ACE: variants seen among roughly 807,000 people sequenced by gnomAD.
The protein encoded by ACE is angiotensin I converting enzyme, also known as angiotensin-converting enzyme.
In ACE, 122 loss-of-function variants were observed where a neutral mutation model predicts 162.3. That is an observed-to-expected ratio of 0.75 (90% CI 0.65 to 0.87). The LOEUF is 0.87. Ranked by LOEUF, ACE falls within the 40% of genes least tolerant of loss-of-function variation. ACE has a pLI of 0.00. For synonymous variants in ACE, 796 were observed against 720.6 expected (o/e 1.10, Z -1.68); for missense variants, 1,799 against 1,735.1 (o/e 1.04, Z -0.65).
chr17:63,491,098 A>G lies in ACE; in HGVS notation c.2739+47A>G, dbSNP rs534153439. On this transcript the variant is annotated intron_variant, in intron 18 of 24. Coordinates refer to ENST00000290866, the MANE Select transcript of ACE (RefSeq NM_000789.4). The surrounding 1 kb of genome is among the most constrained non-coding windows in gnomAD (Gnocchi z 4.4). ...GGGAGGCCCCGCCGGGATGGGAGGG[A>G]CCCTCTGATTCAGGAGTTCCCTCCA... 1.1e-5 allele frequency: 17 copies of G among 1,611,244 alleles called. No homozygotes were observed. The highest frequency in any genetic ancestry group is 1.4e-5 in the Non-Finnish European group (17 of 1,178,116).
In ACE at chr17:63,480,389, C is replaced by T. The variant is rs374272786; in HGVS notation, c.708C>T (p.Phe236=). 52 of 1,614,138 alleles carry T rather than the reference C, an allele frequency of 3.2e-5. No individual in the cohort carries two copies. The highest frequency in any genetic ancestry group is 1.8e-4 in the South Asian group (16 of 91,088). ...GCTCCTGGTACAACTCCCCCACCTT[C>T]GAGGACGATCTGGAACACCTCTACC... ...YWRSWYNSPT[F]EDDLEHLYQQ... The change falls in exon 5 of 25, where the codon TTC becomes TTT. Residue 236 remains phenylalanine, a synonymous_variant. Transcript: ENST00000290866.
intron 3 of ACE, 132 bp from the exon 4 acceptor site, chr17:63,479,637 C>T: frequency 7.9e-7 from 1 of 1,259,994 alleles, no homozygotes; most frequent in Non-Finnish European, 1.1e-6. Context: ...TGTAGGTGGC[C>T]CCTGTCTCTG....
intron 7 of ACE, 80 bp from the exon 8 acceptor site, chr17:63,482,386 G>T (rs2049724623): frequency 3.1e-6 from 4 of 1,304,066 alleles, no homozygotes; most frequent in Admixed American, 1.9e-5. Flanking sequence ...CTGTCTTTCA[G>T]GTGCCAATCT....
rs1696312109 is a variant in ACE, at chr17:63,488,985, C to A, written c.2494C>A (p.Pro832Thr). The change falls in exon 17 of 25, where the codon CCA becomes ACA. Residue 832 changes from proline (P) to threonine (T), a missense_variant. Physicochemically the swap from Pro to Thr is conservative, Grantham distance 38. Coordinates refer to ENST00000290866, the MANE Select transcript of ACE (RefSeq NM_000789.4). ...GDSWRSMYETPSLEQDLERLF... is the reference protein window; with the variant it reads ...GDSWRSMYETTSLEQDLERLF... ...CTCGTGGAGGTCTATGTACGAGACA[C>A]CATCCCTGGAGCAAGACCTGGAGCG... 6.2e-7 allele frequency: 1 copy of A among 1,614,074 alleles called. No homozygotes were observed. The highest frequency in any genetic ancestry group is 1.1e-5 in the South Asian group (1 of 91,084).
intron 7 of ACE, 134 bp from the exon 8 acceptor site, chr17:63,482,332 T>C (rs2049723537): frequency 1.3e-6 from 1 of 760,220 alleles, no homozygotes; most frequent in South Asian, 1.6e-5. Context: ...AAGTTACTTG[T>C]TTCTACTGCG....
chr17:63,479,917 G>A lies in ACE; in HGVS notation c.655+5G>A, dbSNP rs1251490604. On this transcript the variant is annotated splice_donor_5th_base_variant and intron_variant, in intron 4 of 24. Transcript: ENST00000290866. Reference sequence around the variant, plus strand: ...ATGAAGCCTACAAGCAGGACGGTGAGCAGGCCTCTCCCTGTCCAGGAACCA... The same window carrying A: ...ATGAAGCCTACAAGCAGGACGGTGAACAGGCCTCTCCCTGTCCAGGAACCA... The A allele has an allele frequency of 5.0e-6, 8 of 1,606,874 alleles. No individual in the cohort carries two copies. The highest frequency in any genetic ancestry group is 6.8e-6 in the Non-Finnish European group (8 of 1,178,748).
At chr17:63,482,931 C>T in intron 8 of ACE, 98 bp from the exon 9 acceptor site, 1 of 1,337,442 alleles carries the variant, frequency 7.5e-7, no homozygotes, top group Non-Finnish European at 1.1e-6. Context: ...TCTGCATCTC[C>T]CTGGCCTCAC....
Position 63,497,678 on chromosome 17 carries a change from T to C in ACE, c.*312T>C, listed in dbSNP as rs1344799543. 3 of 576,434 alleles carry C rather than the reference T, an allele frequency of 5.2e-6. No homozygotes were observed. The highest frequency in any genetic ancestry group is 9.6e-6 in the Non-Finnish European group (3 of 311,856). 35.7% of individuals were successfully genotyped at this position (576,434 alleles called of 1,614,324 possible). A position where few individuals can be genotyped will look rare whatever the true frequency, so the allele number is the denominator to read the frequency against. ...GACAGGGACAGGCTGCTTTCCTGCC[T>C]CCTGGCAGTCAAGTGGGTCCCGTTA... On this transcript the variant is annotated 3_prime_UTR_variant, in exon 25 of 25. Transcript: ENST00000290866.
chr17:63,481,337 C>T (rs2049706212), intron 6 of ACE, 149 bp downstream of exon 6: 1 of 910,498 alleles, frequency 1.1e-6, no homozygotes, highest in Non-Finnish European at 1.7e-6. Context: ...GGTCGGCCCC[C>T]TCAGTGAGGT....
chr17:63,483,567 G>GCGGGGGGGGCGC lies in ACE; in HGVS notation c.1586+10_1586+11insGGGGGGGGCGCC. The GCGGGGGGGGCGC allele has an allele frequency of 6.3e-7, 1 of 1,589,576 alleles. No homozygotes were observed. The highest frequency in any genetic ancestry group is 8.6e-7 in the Non-Finnish European group (1 of 1,165,682). On this transcript the variant is annotated intron_variant, in intron 10 of 24. Coordinates refer to ENST00000290866, the MANE Select transcript of ACE (RefSeq NM_000789.4). ...GTGACACCATACATCAGGTATTAGC[G>GCGGGGGGGGCGC]CCCCCACCCCACCCACCCCCAGTAC...
In ACE at chr17:63,477,079, C is replaced by A; in HGVS notation, c.-16C>A. Reference sequence around the variant, plus strand: ...GCGCAGGAGAAGGGGCAGAGCCGAGCACCGCGCACCGCGTCATGGGGGCCG... The same window carrying A: ...GCGCAGGAGAAGGGGCAGAGCCGAGAACCGCGCACCGCGTCATGGGGGCCG... On this transcript the variant is annotated 5_prime_UTR_variant, in exon 1 of 25. Coordinates refer to ENST00000290866, the MANE Select transcript of ACE (RefSeq NM_000789.4). The A allele has an allele frequency of 1.5e-6, 2 of 1,297,456 alleles. No homozygotes were observed. Among genetic ancestry groups the A allele is most frequent in the African/African-American group, 1.6e-5 (1 of 63,826 alleles). 80.4% of individuals were successfully genotyped at this position (1,297,456 alleles called of 1,614,324 possible).
intron 20 of ACE, 78 bp from the exon 21 acceptor site, chr17:63,493,844 C>T (rs551927700): frequency 2.6e-5 from 41 of 1,603,886 alleles, no homozygotes; most frequent in Non-Finnish European, 3.2e-5. Flanking sequence ...AGCACCCCCA[C>T]CCCTCCACCA....
Position 63,491,172 on chromosome 17 carries a change from G to A in ACE, c.2740-37G>A, listed in dbSNP as rs1401963190. On this transcript the variant is annotated intron_variant, in intron 18 of 24. Coordinates refer to ENST00000290866, the MANE Select transcript of ACE (RefSeq NM_000789.4). This position sits in a 1 kb window ranked among gnomAD's most constrained non-coding sequence, Gnocchi z 4.4. ...CACGGCAGCACGCAGTCTGTCCCCG[G>A]AACCCCCAGTTTGGGCAGAACTCCC... The A allele has an allele frequency of 1.9e-6, 3 of 1,613,210 alleles. No individual in the cohort carries two copies. The South Asian group carries it at 3.3e-5, about 18-fold the overall frequency.
intron 7 of ACE, 139 bp downstream of exon 7, chr17:63,481,877 C>A: frequency 8.9e-7 from 1 of 1,122,440 alleles, no homozygotes; most frequent in Non-Finnish European, 1.3e-6. Flanking sequence ...TGGGTCTGTT[C>A]CAGGGCTAGG....
rs2030843772 is a variant in ACE, at chr17:63,497,505, C to G, written c.*139C>G. The G allele has an allele frequency of 1.2e-6, 1 of 821,118 alleles. No individual in the cohort carries two copies. Among genetic ancestry groups the G allele is most frequent in the South Asian group, 1.4e-5 (1 of 69,134 alleles). 50.9% of individuals were successfully genotyped at this position (821,118 alleles called of 1,614,324 possible). The stretch of plus-strand genomic sequence containing the variant: ...CCCTGTCCCTGTCCCCCTCCCCTCC[C>G]AGTCCTCCAGACCACCAGCCGCCCC... On this transcript the variant is annotated 3_prime_UTR_variant, in exon 25 of 25. Transcript: ENST00000290866.
At chr17:63,479,951 G>A (rs1270819956) in intron 4 of ACE, 39 bp downstream of exon 4, 1 of 1,583,736 alleles carries the variant, frequency 6.3e-7, no homozygotes, top group Admixed American at 1.8e-5. Context: ...CACGCCAGGT[G>A]TCCTCTCTCA....
intron 22 of ACE, 64 bp downstream of exon 22, chr17:63,494,534 C>G: frequency 7.1e-7 from 1 of 1,418,252 alleles, no homozygotes; most frequent in Non-Finnish European, 9.9e-7. Flanking sequence ...GTTTCAACTG[C>G]GGCCACTGCC....
intron 1 of ACE, 76 bp downstream of exon 1, chr17:63,477,419 G>T (rs2049635457): frequency 3.6e-6 from 4 of 1,125,252 alleles, no homozygotes; most frequent in Non-Finnish European, 4.4e-6. Context: ...CTTGTGGGGC[G>T]GGCAGGCTGG....
At position 63,482,483 on chromosome 17, in the gene ACE, G is replaced by C. The variant is rs13306085; in HGVS notation, c.1136G>C (p.Arg379Pro). 6.2e-7 allele frequency: 1 copy of C among 1,613,906 alleles called. No homozygotes were observed. The highest frequency in any genetic ancestry group is 1.3e-5 in the African/African-American group (1 of 74,970). The change falls in exon 8 of 25, where the codon CGG becomes CCG. Residue 379 changes from arginine to proline, a missense_variant. By Grantham distance (103) the Arg-to-Pro change is moderately radical (BLOSUM62 -2). Coordinates refer to ENST00000290866, the MANE Select transcript of ACE (RefSeq NM_000789.4). ...RKDFRIKQCT[R>P]VTMDQLSTVH... ...CGCCCCAGGATCAAGCAGTGCACAC[G>C]GGTCACGATGGACCAGCTCTCCACA...
Sources: allele counts gnomAD v4.1 joint callset, GRCh38; gene constraint gnomAD v4.1.1; non-coding constraint Gnocchi (gnomAD v3.1); transcripts MANE v1.5; gene names NCBI Gene and HGNC (gene_info 2026-07-23, HGNC 2026-07-21).